POGLUT1: variants seen among roughly 807,000 people sequenced by gnomAD.
The protein encoded by POGLUT1 is 9630046K23Rik.
POGLUT1 carries 32 observed loss-of-function variants against 61.3 expected under a neutral mutation model. That is an observed-to-expected ratio of 0.52 (90% confidence interval 0.39 to 0.70). The LOEUF (loss-of-function observed/expected upper bound fraction) is 0.70, where lower values mean the gene tolerates loss of function less well. Ranked by LOEUF, POGLUT1 falls within the 30% of genes least tolerant of loss-of-function variation. The pLI, the probability that POGLUT1 is intolerant of heterozygous loss-of-function variation, is 0.00. For synonymous variants in POGLUT1, 158 were observed against 158.2 expected (o/e 1.00, Z 0.01); for missense variants, 411 against 469.8 (o/e 0.87, Z 1.16).
chr3:119,471,303 T>C lies in POGLUT1; in HGVS notation c.177-6T>C, dbSNP rs368666482. The C allele has an allele frequency of 2.5e-6, 4 of 1,613,216 alleles. No homozygotes were observed. In the African/African-American group the frequency reaches 5.3e-5, roughly 22 times the overall value. On this transcript the variant is annotated splice_polypyrimidine_tract_variant and splice_region_variant and intron_variant, in intron 2 of 10. Transcript: ENST00000295588. ...GCTTTCCTTGATGACTCCCATTCTT[T>C]CCCAGTGTCATAGAAGAGGATCTAA...
chr3:119,473,346 A>G lies in POGLUT1; in HGVS notation c.320+1894A>G, dbSNP rs2081498152. ...GTTTGCTGAACAATTGCCAAATGAAATGAAATGCTTTCAAAGTTTCTGAAA... is the reference window on the plus strand; with the variant it reads ...GTTTGCTGAACAATTGCCAAATGAAGTGAAATGCTTTCAAAGTTTCTGAAA... On this transcript the variant is annotated intron_variant, in intron 3 of 10. Coordinates refer to ENST00000295588, the MANE Select transcript of POGLUT1 (RefSeq NM_152305.3). 2.6e-5 allele frequency among the ~76,000 whole-genome samples: 4 copies of G among 151,946 alleles called. No homozygotes were observed. The Admixed American group carries it at 2.7e-4, about 10-fold the overall frequency.
Position 119,494,040 on chromosome 3 carries a change from G to A in POGLUT1, c.*1602G>A, listed in dbSNP as rs989487511. 3 of 151,886 alleles carry A rather than the reference G, an allele frequency of 2.0e-5. No individual in the cohort carries two copies. Among genetic ancestry groups the A allele is most frequent in the African/African-American group, 7.3e-5 (3 of 41,334 alleles). The allele number at this position is 151,886 out of a possible 1,614,324, so 9.4% of individuals were successfully genotyped here. On this transcript the variant is annotated 3_prime_UTR_variant, in exon 11 of 11. Coordinates refer to ENST00000295588, the MANE Select transcript of POGLUT1 (RefSeq NM_152305.3). ...TAGGAGCTGAAGATTCATTTCCCTG[G>A]GAATGTTTCCCATTTAGCTTCAAGT... is the stretch of plus-strand genomic sequence containing the variant.
Position 119,492,450 on chromosome 3 carries a change from G to A in POGLUT1, c.*12G>A. 1.3e-6 allele frequency: 2 copies of A among 1,545,102 alleles called. No individual in the cohort carries two copies. The highest frequency in any genetic ancestry group is 1.8e-6 in the Non-Finnish European group (2 of 1,135,050). On this transcript the variant is annotated 3_prime_UTR_variant, in exon 11 of 11. Coordinates refer to ENST00000295588, the MANE Select transcript of POGLUT1 (RefSeq NM_152305.3). ...AAACTGAACTATAGTAGTCATCATA[G>A]GACCATAGTCCTCTTTGTGGCAACA...
chr3:119,490,074 C>T (rs1254028067), intron 8 of POGLUT1: 1 of 156,192 alleles, frequency 6.4e-6, no homozygotes, highest in African/African-American at 2.4e-5. Flanking sequence ...CAGTGGAGAC[C>T]TTCGACCAGA....
At chr3:119,473,219 G>A (rs192860185) in intron 3 of POGLUT1, among the ~76,000 whole-genome samples, 92 of 152,324 alleles carry the variant, frequency 6.0e-4, no homozygotes, top group African/African-American at 2.2e-3. Flanking sequence ...GAGACTTTAA[G>A]TACAAATTGT....
intron 3 of POGLUT1, among the ~76,000 whole-genome samples, chr3:119,474,029 AT>A (rs149154334): frequency 0.041 from 6,218 of 152,282 alleles, 166 homozygotes; most frequent in Non-Finnish European, 0.061. Context: ...TAAACTCCAC[AT>A]TTCAAGGATG....
At chr3:119,485,460 GAC>G in intron 6 of POGLUT1, 73 bp downstream of exon 6, 1 of 960,280 alleles carries the variant, frequency 1.0e-6, no homozygotes, top group Non-Finnish European at 1.7e-6. Context: ...TTGAGGGTAT[GAC>G]AAGCTCTGTA....
chr3:119,476,409 A>AT (rs2081538230), intron 3 of POGLUT1, among the ~76,000 whole-genome samples: 1 of 148,726 alleles, frequency 6.7e-6, no homozygotes, highest in Non-Finnish European at 1.5e-5. Context: ...AACTGTTGAT[A>AT]TTTTTTGCAG....
intron 9 of POGLUT1, 81 bp from the exon 10 acceptor site, chr3:119,491,437 A>G (rs2081744014): frequency 1.7e-6 from 1 of 604,058 alleles, no homozygotes; most frequent in Non-Finnish European, 3.0e-6. Flanking sequence ...TTATCCATAG[A>G]CCTCAATCTA....
At chr3:119,489,660 A>G (rs1560039321) in intron 8 of POGLUT1, 1 of 151,986 alleles carries the variant, frequency 6.6e-6, no homozygotes, top group Non-Finnish European at 1.5e-5. Context: ...CAATCTCTGA[A>G]AATTGATTAG....
intron 4 of POGLUT1, chr3:119,478,496 G>A (rs1286072064): frequency 6.7e-6 from 3 of 445,238 alleles, no homozygotes; most frequent in Non-Finnish European, 1.3e-5. Flanking sequence ...GGGACTTCGT[G>A]TTTGTTATCT....
In POGLUT1 at chr3:119,469,800, A is replaced by G. The variant is rs762938903; in HGVS notation, c.86-20A>G. ...ATTCAGGAAAATTTTTTTAACTCTCATTTACTTCACTTTTTAAAGGTTCAA... is the reference window on the plus strand; with the variant it reads ...ATTCAGGAAAATTTTTTTAACTCTCGTTTACTTCACTTTTTAAAGGTTCAA... On this transcript the variant is annotated intron_variant, in intron 1 of 10. Transcript: ENST00000295588. 8 of 1,393,132 alleles carry G rather than the reference A, an allele frequency of 5.7e-6. No individual in the cohort carries two copies. Among genetic ancestry groups the G allele is most frequent in the African/African-American group, 2.8e-5 (2 of 70,412 alleles). The allele number at this position is 1,393,132 out of a possible 1,614,324, so 86.3% of individuals were successfully genotyped here. A position where few individuals can be genotyped will look rare whatever the true frequency, so the allele number is the denominator to read the frequency against.
chr3:119,473,408 G>A (rs1358193088), intron 3 of POGLUT1, among the ~76,000 whole-genome samples: 2 of 152,120 alleles, frequency 1.3e-5, no homozygotes, highest in Non-Finnish European at 2.9e-5. Context: ...AGAACATTTT[G>A]GTCATAATCA....
chr3:119,482,141 C>G (rs146440658), intron 5 of POGLUT1, among the ~76,000 whole-genome samples: 298 of 152,308 alleles, frequency 2.0e-3, no homozygotes, highest in African/African-American at 6.8e-3. Flanking sequence ...CTTTCCCCCC[C>G]TCCTCAGGTA....
At position 119,469,027 on chromosome 3, in the gene POGLUT1, G is replaced by A. The variant is rs2081431158; in HGVS notation, c.6G>A (p.Glu2=). 2 of 1,608,250 alleles carry A rather than the reference G, an allele frequency of 1.2e-6. No homozygotes were observed. Among genetic ancestry groups the A allele is most frequent in the Non-Finnish European group, 1.7e-6 (2 of 1,178,652 alleles). Residue 2 remains glutamate, a synonymous_variant, in exon 1 of 11, where the codon GAG becomes GAA. Transcript: ENST00000295588. Reference sequence around the variant, plus strand: ...CTGCAGTAGGTCTGCCGGCGATGGAGTGGTGGGCTAGCTCGCCGCTTCGGC... The same window carrying A: ...CTGCAGTAGGTCTGCCGGCGATGGAATGGTGGGCTAGCTCGCCGCTTCGGC... M[E]WWASSPLRLW... is the part of the protein sequence containing the mutation.
At chr3:119,486,991 T>A in intron 7 of POGLUT1, 59 bp downstream of exon 7, 1 of 1,086,162 alleles carries the variant, frequency 9.2e-7, no homozygotes, top group Non-Finnish European at 1.4e-6. Context: ...CAAAGAACAT[T>A]GCCACCTGGG....
Position 119,494,694 on chromosome 3 carries a change from C to T in POGLUT1, c.*2256C>T, listed in dbSNP as rs1354511044. On this transcript the variant is annotated 3_prime_UTR_variant, in exon 11 of 11. Coordinates refer to ENST00000295588, the MANE Select transcript of POGLUT1 (RefSeq NM_152305.3). ...TAATTTATTTGAATGAAGTGGGATA[C>T]TTGCATAACACAAATAATGCTTTGT... The T allele has an allele frequency of 2.0e-5, 3 of 152,488 alleles. No individual in the cohort carries two copies. The highest frequency in any genetic ancestry group is 4.4e-5 in the Non-Finnish European group (3 of 68,034). The allele number at this position is 152,488 out of a possible 1,614,324, so 9.4% of individuals were successfully genotyped here.
At chr3:119,472,144 G>A (rs1446895255) in intron 3 of POGLUT1, among the ~76,000 whole-genome samples, 1 of 152,092 alleles carries the variant, frequency 6.6e-6, no homozygotes, top group African/African-American at 2.4e-5. Flanking sequence ...GCTGAGGGTG[G>A]AGGTTGGGTT....
intron 5 of POGLUT1, among the ~76,000 whole-genome samples, chr3:119,480,737 C>A (rs1004119528): frequency 6.9e-6 from 1 of 145,256 alleles, no homozygotes; most frequent in Admixed American, 7.0e-5. Flanking sequence ...TTAAATTTTT[C>A]TTTCTTTTTT....
Sources: gnomAD v4.1 joint callset for allele counts (sites outside exome capture counted in the v4.1 genomes callset) on GRCh38, gnomAD v4.1.1 for gene constraint, MANE v1.5 for transcripts, NCBI Gene and HGNC (gene_info 2026-07-23, HGNC 2026-07-21) for gene names.